The following NPHS1 variants were observed in gnomAD, a reference collection of about 807,000 sequenced individuals.
The protein encoded by NPHS1 is NPHS1 adhesion molecule, nephrin, also known as nephrin.
NPHS1 carries 107 observed loss-of-function variants against 139.7 expected under a neutral mutation model. The observed-to-expected ratio is 0.77, with a 90% CI of 0.66 to 0.90. The LOEUF (loss-of-function observed/expected upper bound fraction) is 0.90. NPHS1 is among the 40% of genes least tolerant of loss of function. NPHS1 has a pLI of 0.00. For synonymous variants in NPHS1, 707 were observed against 706.6 expected (o/e 1.00, Z -0.01); for missense variants, 1,580 against 1,654.2 (o/e 0.96, Z 0.78).
chr19:35,843,964 C>G, intron 16 of NPHS1, 139 bp downstream of exon 16: 1 of 1,248,952 alleles, frequency 8.0e-7, no homozygotes, highest in Non-Finnish European at 1.1e-6. Flanking sequence ...CGTGGTTACA[C>G]CGCGGCTGGG....
At chr19:35,833,853 T>C (rs564154846) in intron 23 of NPHS1, among the ~76,000 whole-genome samples, 2 of 152,092 alleles carry the variant, frequency 1.3e-5, no homozygotes, top group Non-Finnish European at 2.9e-5. Context: ...TGCACTGCCA[T>C]GCCTGGCTAA....
At position 35,826,413 on chromosome 19, in the gene NPHS1, T is replaced by C; in HGVS notation, c.*101A>G. 7.0e-7 allele frequency: 1 copy of C among 1,430,448 alleles called. No homozygotes were observed. The highest frequency in any genetic ancestry group is 9.8e-7 in the Non-Finnish European group (1 of 1,018,276). The allele number at this position is 1,430,448 out of a possible 1,614,324, so 88.6% of individuals were successfully genotyped here. On this transcript the variant is annotated 3_prime_UTR_variant, in exon 29 of 29. Coordinates refer to ENST00000378910, the MANE Select transcript of NPHS1 (RefSeq NM_004646.4). ...TCTCCTGACACCAAGTCCCTTTGGG[T>C]TTTATGGAGCTCACCTAACCAGCTC...
chr19:35,825,464 C>G lies in NPHS1; in HGVS notation c.*1050G>C, dbSNP rs1972789054. ...TAAAGTTCAATGAGTTTTGACAAAT[C>G]TGTGCACCCGTGCAACCACCACCAC... On this transcript the variant is annotated 3_prime_UTR_variant, in exon 29 of 29. Transcript: ENST00000378910. 6.6e-6 allele frequency among the ~76,000 whole-genome samples: 1 copy of G among 152,058 alleles called. No homozygotes were observed. Among genetic ancestry groups the G allele is most frequent in the South Asian group, 2.1e-4 (1 of 4,820 alleles).
At chr19:35,843,955 G>T in intron 16 of NPHS1, 148 bp downstream of exon 16, 2 of 1,122,998 alleles carry the variant, frequency 1.8e-6, no homozygotes, top group Non-Finnish European at 2.5e-6. Context: ...CGCAGTGGGC[G>T]TGGTTACACC....
chr19:35,847,864 C>T (rs1973166906), intron 11 of NPHS1, 177 bp downstream of exon 11: 2 of 623,974 alleles, frequency 3.2e-6, no homozygotes, highest in Non-Finnish European at 5.3e-6. Flanking sequence ...CCTAGGATTC[C>T]ATTTAATTCT....
At chr19:35,843,245 C>G (rs960008347) in intron 17 of NPHS1, among the ~76,000 whole-genome samples, 4 of 152,230 alleles carry the variant, frequency 2.6e-5, no homozygotes, top group African/African-American at 9.6e-5. Flanking sequence ...CACTTACCTA[C>G]CTTTTGACCT....
chr19:35,844,207 G>T lies in NPHS1; in HGVS notation c.2108C>A (p.Ala703Asp). ...GCGGGTCACATTCCACAGATGCAGA[G>T]CCCCGCTGGACAGGATGCGATGCCG... is the stretch of plus-strand genomic sequence containing the variant. ...GPRHRILSSG[A>D]LHLWNVTRAD... Residue 703 changes from alanine to aspartate, a missense_variant, in exon 16 of 29, where the codon GCT becomes GAT. Coordinates refer to ENST00000378910, the MANE Select transcript of NPHS1 (RefSeq NM_004646.4). 3 of 1,612,614 alleles carry T rather than the reference G, an allele frequency of 1.9e-6. No individual in the cohort carries two copies. The highest frequency in any genetic ancestry group is 2.5e-6 in the Non-Finnish European group (3 of 1,179,954).
intron 28 of NPHS1, among the ~76,000 whole-genome samples, chr19:35,830,548 T>C (rs1972862428): frequency 6.6e-6 from 1 of 152,236 alleles, no homozygotes; most frequent in Non-Finnish European, 1.5e-5. Flanking sequence ...TAGCTGAGAC[T>C]ACAGGTGCAC....
rs888933028 is a variant in NPHS1, at chr19:35,841,329, C to T, written c.2815+386G>A. 5.3e-5 allele frequency among the ~76,000 whole-genome samples: 8 copies of T among 152,094 alleles called. No individual in the cohort carries two copies. The East Asian group carries it at 1.2e-3, about 22-fold the overall frequency. ...CAGAGGTTGCAGTGAGCCAAGATCG[C>T]GCCATCGCACTCCAGCCTGGGTGAC... On this transcript the variant is annotated intron_variant, in intron 20 of 28. Coordinates refer to ENST00000378910, the MANE Select transcript of NPHS1 (RefSeq NM_004646.4).
chr19:35,851,337 C>T lies in NPHS1; in HGVS notation c.322G>A (p.Glu108Lys). ...IEACDLSDDAEYECQVGRSEM... is the reference protein window; with the variant it reads ...IEACDLSDDAKYECQVGRSEM... ...GAGCGGCCGACCTGGCACTCATACT[C>T]CGCGTCATCGCTGAGGTCACAGGCC... Residue 108 changes from glutamate to lysine, a missense_variant, in exon 3 of 29, where the codon GAG becomes AAG. Physicochemically the swap from Glu to Lys is moderately conservative, Grantham distance 56. Transcript: ENST00000378910. 1 of 1,613,818 alleles carries T rather than the reference C, an allele frequency of 6.2e-7. No individual in the cohort carries two copies. Among genetic ancestry groups the T allele is most frequent in the Non-Finnish European group, 8.5e-7 (1 of 1,179,878 alleles).
chr19:35,843,764 G>T, intron 16 of NPHS1, 171 bp from the exon 17 acceptor site: 1 of 786,242 alleles, frequency 1.3e-6, no homozygotes, highest in Non-Finnish European at 2.0e-6. Context: ...TGGTGAGGTT[G>T]TCTCCACCCT....
Position 35,849,379 on chromosome 19 carries a change from C to T in NPHS1, c.713-16G>A. On this transcript the variant is annotated splice_polypyrimidine_tract_variant and intron_variant, in intron 6 of 28. Transcript: ENST00000378910. ...CCTGGAGGGACTGGGGGATATCAGTCACTCAGTGGGCCTGGAGTAGCCCAT... is the reference window on the plus strand; with the variant it reads ...CCTGGAGGGACTGGGGGATATCAGTTACTCAGTGGGCCTGGAGTAGCCCAT... The T allele has an allele frequency of 6.2e-7, 1 of 1,609,254 alleles. No homozygotes were observed. Among genetic ancestry groups the T allele is most frequent in the East Asian group, 2.2e-5 (1 of 44,768 alleles).
In NPHS1 at chr19:35,848,981, A is replaced by G. The variant is rs745416765; in HGVS notation, c.1007T>C (p.Val336Ala). 14 of 1,611,642 alleles carry G rather than the reference A, an allele frequency of 8.7e-6. No homozygotes were observed. The Admixed American group carries it at 2.3e-4, about 27-fold the overall frequency. Residue 336 changes from valine (V) to alanine (A), a missense_variant, in exon 8 of 29, where the codon GTC (valine) becomes GCC (alanine). Physicochemically the swap from Val to Ala is moderately conservative, Grantham distance 64 (BLOSUM62 0). Transcript: ENST00000378910. ...GTQEHGITLQ[V>A]TFPPSAIIIL... is the part of the protein sequence containing the mutation. ...CAGCTGGCACCAGGACTCACAGGTGACCTGCAGTGTGATGCCGTGCTCCTG... is the reference window on the plus strand; with the variant it reads ...CAGCTGGCACCAGGACTCACAGGTGGCCTGCAGTGTGATGCCGTGCTCCTG...
Position 35,839,496 on chromosome 19 carries a change from C to G in NPHS1, c.2927G>C (p.Arg976Thr), listed in dbSNP as rs1461169690. ...DGGLPQRFCI[R>T]YEALGTPGFH... is the part of the protein sequence containing the mutation. The stretch of plus-strand genomic sequence containing the variant: ...CCCTCCTGCCTCGACAAGGACCCAC[C>G]TGATGCAGAACCTCTGTGGCAGGCC... The change falls in exon 21 of 29, where the codon AGG (arginine) becomes ACG (threonine). Residue 976 changes from arginine (R) to threonine (T), a missense_variant and splice_region_variant. Coordinates refer to ENST00000378910, the MANE Select transcript of NPHS1 (RefSeq NM_004646.4). The G allele has an allele frequency of 6.2e-7, 1 of 1,613,908 alleles. No individual in the cohort carries two copies. The highest frequency in any genetic ancestry group is 2.2e-5 in the East Asian group (1 of 44,904).
At chr19:35,846,341 C>T (rs923658069) in intron 11 of NPHS1, 147 bp from the exon 12 acceptor site, 1 of 809,218 alleles carries the variant, frequency 1.2e-6, no homozygotes, top group African/African-American at 1.7e-5. Context: ...AGCACCACCC[C>T]CCTAGGGCAA....
In NPHS1 at chr19:35,845,750, G is replaced by C; in HGVS notation, c.1676C>G (p.Pro559Arg). The change falls in exon 13 of 29, where the codon CCG becomes CGG. Residue 559 changes from proline to arginine, a missense_variant. Transcript: ENST00000378910. This position sits in a 1 kb window ranked among gnomAD's most constrained non-coding sequence, Gnocchi z 5.5. Reference sequence around the variant, plus strand: ...GCATGTCAAGTTTAAGGCGTCTCCCGGGCGCAGTGCGGATGCGTTGGCCAG... The same window carrying C: ...GCATGTCAAGTTTAAGGCGTCTCCCCGGCGCAGTGCGGATGCGTTGGCCAG... Reference protein sequence around the residue: ...TILANASALRPGDALNLTCVS... With the variant: ...TILANASALRRGDALNLTCVS... 1.2e-6 allele frequency: 2 copies of C among 1,614,120 alleles called. No homozygotes were observed. Among genetic ancestry groups the C allele is most frequent in the Non-Finnish European group, 1.7e-6 (2 of 1,179,990 alleles).
At chr19:35,842,664 T>A in intron 17 of NPHS1, 114 bp from the exon 18 acceptor site, 1 of 1,083,152 alleles carries the variant, frequency 9.2e-7, no homozygotes, top group Non-Finnish European at 1.4e-6. Context: ...TCCACAGAGG[T>A]ATTGAAGAAA....
At chr19:35,831,263 G>A in intron 26 of NPHS1, 33 bp downstream of exon 26, 1 of 1,611,618 alleles carries the variant, frequency 6.2e-7, no homozygotes, top group Non-Finnish European at 8.5e-7. Flanking sequence ...TCGGTGCCCT[G>A]ATTGTGGGGT....
At position 35,848,233 on chromosome 19, in the gene NPHS1, G is replaced by A; in HGVS notation, c.1315+20C>T. ...GGTCCTGAGGCTTGGGGGCATTGCT[G>A]GGCCAGGGCAGGGGCTCACATTTTA... On this transcript the variant is annotated intron_variant, in intron 10 of 28. Coordinates refer to ENST00000378910, the MANE Select transcript of NPHS1 (RefSeq NM_004646.4). 6.2e-7 allele frequency: 1 copy of A among 1,614,128 alleles called. No individual in the cohort carries two copies. The highest frequency in any genetic ancestry group is 1.1e-5 in the South Asian group (1 of 91,082).
Sources: gnomAD v4.1 joint callset for allele counts (sites outside exome capture counted in the v4.1 genomes callset) on GRCh38, gnomAD v4.1.1 for gene constraint, Gnocchi (gnomAD v3.1) non-coding constraint, MANE v1.5 for transcripts, NCBI Gene and HGNC (gene_info 2026-07-23, HGNC 2026-07-21) for gene names.